KIF5C: variants seen among roughly 807,000 people sequenced by gnomAD.
KIF5C encodes kinesin heavy chain isoform 5C.
KIF5C carries 18 observed loss-of-function variants against 125.2 expected under a neutral mutation model. The observed-to-expected ratio is 0.14, with a 90% confidence interval of 0.10 to 0.21. The LOEUF is 0.21. Ranked by LOEUF, KIF5C falls within the 10% of genes least tolerant of loss-of-function variation. The probability of loss-of-function intolerance (pLI) is 1.00; values close to 1 mark genes in which losing one functional copy is unlikely to be tolerated. For synonymous variants in KIF5C, 405 were observed against 434.0 expected (o/e 0.93, Z 0.83); for missense variants, 780 against 1,183.8 (o/e 0.66, Z 5.01).
At chr2:148,993,322 G>C (rs1681576736) in intron 16 of KIF5C, among the ~76,000 whole-genome samples, 1 of 152,174 alleles carries the variant, frequency 6.6e-6, no homozygotes, top group Non-Finnish European at 1.5e-5. Context: ...ATGATGTGTT[G>C]AGTTTAAAGA....
intron 16 of KIF5C, among the ~76,000 whole-genome samples, chr2:148,993,255 C>T (rs181689700): frequency 1.1e-4 from 17 of 152,244 alleles, no homozygotes; most frequent in African/African-American, 2.9e-4. Flanking sequence ...TGCTCTGAAT[C>T]GTCCAGGTCT....
At chr2:149,014,150 G>A (rs6716666) in intron 25 of KIF5C, among the ~76,000 whole-genome samples, 1,540 of 152,156 alleles carry the variant, frequency 0.01, 24 homozygotes, top group African/African-American at 0.035. Context: ...TCAGCCTCCC[G>A]AGTAGCTGGG....
At chr2:148,923,483 AT>A (rs1489850423) in intron 2 of KIF5C, among the ~76,000 whole-genome samples, 1 of 152,054 alleles carries the variant, frequency 6.6e-6, no homozygotes, top group East Asian at 1.9e-4. Context: ...TCGGGTGGTA[AT>A]TTTTATCTTC....
chr2:149,013,609 C>T (rs1379990547), intron 25 of KIF5C, among the ~76,000 whole-genome samples: 1 of 152,160 alleles, frequency 6.6e-6, no homozygotes, highest in Non-Finnish European at 1.5e-5. Context: ...CAGCACTGGG[C>T]TAGATGTAAT....
intron 17 of KIF5C, among the ~76,000 whole-genome samples, chr2:148,995,420 G>A (rs995086147): frequency 1.3e-5 from 2 of 152,214 alleles, no homozygotes; most frequent in Non-Finnish European, 2.9e-5. Flanking sequence ...TGAGCTTAGG[G>A]AAGTGCCTCG....
At chr2:148,939,156 T>C (rs1682354512) in intron 4 of KIF5C, among the ~76,000 whole-genome samples, 1 of 149,676 alleles carries the variant, frequency 6.7e-6, no homozygotes, top group African/African-American at 2.5e-5. Context: ...AAGTTATTGA[T>C]AAAACTAAGA....
In KIF5C at chr2:148,957,785, A is replaced by G. The variant is rs561852629; in HGVS notation, c.969-4186A>G. On this transcript the variant is annotated intron_variant, in intron 10 of 25. Transcript: ENST00000435030. Reference sequence around the variant, plus strand: ...TAAAATACATAAACTTAAGTGCATAACTAATTTTTTTTTATAAATATATAT... The same window carrying G: ...TAAAATACATAAACTTAAGTGCATAGCTAATTTTTTTTTATAAATATATAT... 1.3e-3 allele frequency among the ~76,000 whole-genome samples: 195 copies of G among 152,190 alleles called. 1 individual carries two copies. The highest frequency in any genetic ancestry group is 4.6e-3 in the African/African-American group (191 of 41,524).
intron 11 of KIF5C, among the ~76,000 whole-genome samples, chr2:148,971,282 GTCTGTCTGTCTATCTA>G (rs1375302110): frequency 1.8e-4 from 25 of 140,660 alleles, no homozygotes; most frequent in African/African-American, 5.7e-4. Context: ...CTGTCTGTCT[GTCTGTCTGTCTATCTA>G]TCTATCTATC....
At chr2:148,973,290 T>C (rs757863464) in intron 11 of KIF5C, 46 bp from the exon 12 acceptor site, 2 of 1,574,544 alleles carry the variant, frequency 1.3e-6, no homozygotes, top group Admixed American at 3.8e-5. Flanking sequence ...GAGGGTTGCA[T>C]ACTCAATTTC....
At chr2:148,890,160 C>T (rs1469742905) in intron 1 of KIF5C, among the ~76,000 whole-genome samples, 1 of 151,996 alleles carries the variant, frequency 6.6e-6, no homozygotes, top group African/African-American at 2.4e-5. Context: ...TATTTATAAG[C>T]TATAAATAAT....
intron 1 of KIF5C, chr2:148,885,704 A>T (rs1681499633): frequency 6.6e-6 from 1 of 152,240 alleles, no homozygotes; most frequent in Non-Finnish European, 1.5e-5. Context: ...TTCTCATTAA[A>T]GAAAAACTTT....
chr2:148,949,789 T>C lies in KIF5C; in HGVS notation c.715-50T>C, dbSNP rs543418720. On this transcript the variant is annotated intron_variant, in intron 8 of 25. Coordinates refer to ENST00000435030, the MANE Select transcript of KIF5C (RefSeq NM_004522.3). Reference sequence around the variant, plus strand: ...TCGTGTGAATTTGAAATTTCTACTTTGTGCTTCTGCCGTCCTGTGCTGCTC... The same window carrying C: ...TCGTGTGAATTTGAAATTTCTACTTCGTGCTTCTGCCGTCCTGTGCTGCTC... The C allele has an allele frequency of 5.7e-6, 9 of 1,580,636 alleles. No homozygotes were observed. The South Asian group carries it at 9.4e-5, about 16-fold the overall frequency.
chr2:148,900,539 C>T (rs114315180), intron 1 of KIF5C, among the ~76,000 whole-genome samples: 68 of 152,328 alleles, frequency 4.5e-4, no homozygotes, highest in Non-Finnish European at 6.9e-4. Flanking sequence ...TTTCTCATCC[C>T]ACACTACCCT....
chr2:148,922,271 T>C (rs2105082270), intron 2 of KIF5C, 44 bp downstream of exon 2: 6 of 1,311,752 alleles, frequency 4.6e-6, no homozygotes, highest in South Asian at 2.5e-5. Flanking sequence ...TTCAGAGTAA[T>C]TGAAAGCATT....
At chr2:148,943,074 T>C (rs1682444091) in intron 7 of KIF5C, among the ~76,000 whole-genome samples, 2 of 151,758 alleles carry the variant, frequency 1.3e-5, no homozygotes, top group South Asian at 4.2e-4. Flanking sequence ...AGGGAAAGAG[T>C]AAGCTCATCA....
chr2:149,009,313 A>G (rs1682112176), intron 23 of KIF5C, among the ~76,000 whole-genome samples: 1 of 152,036 alleles, frequency 6.6e-6, no homozygotes, highest in African/African-American at 2.4e-5. Context: ...TTATTCATGG[A>G]TTGAACGAGC....
In KIF5C at chr2:148,991,142, A is replaced by C; in HGVS notation, c.1849A>C (p.Arg617=). 1 of 1,614,014 alleles carries C rather than the reference A, an allele frequency of 6.2e-7. No individual in the cohort carries two copies. The highest frequency in any genetic ancestry group is 8.5e-7 in the Non-Finnish European group (1 of 1,179,880). ...QLESAQMDSN[R]KMNASERELA... ...CGAGAGCGCCCAGATGGACTCCAACAGGAAGATGAATGCCAGCGAGCGGGA... is the reference window on the plus strand; with the variant it reads ...CGAGAGCGCCCAGATGGACTCCAACCGGAAGATGAATGCCAGCGAGCGGGA... Residue 617 remains arginine, a synonymous_variant, in exon 16 of 26, where the codon AGG becomes CGG. Coordinates refer to ENST00000435030, the MANE Select transcript of KIF5C (RefSeq NM_004522.3).
intron 1 of KIF5C, among the ~76,000 whole-genome samples, chr2:148,902,455 T>C (rs187946367): frequency 1.2e-3 from 188 of 152,330 alleles, no homozygotes; most frequent in Non-Finnish European, 2.1e-3. Flanking sequence ...TAGCTGGGAT[T>C]ACAGGCACAC....
chr2:148,876,247 G>C lies in KIF5C; in HGVS notation c.126+504G>C, dbSNP rs1425241595. On this transcript the variant is annotated intron_variant, in intron 1 of 25. Transcript: ENST00000435030. This position sits in a 1 kb window ranked among gnomAD's most constrained non-coding sequence, Gnocchi z 4.7. ...ACAGGAAAATTTCTAGTCGCGTCTCGGAGCTCCCGCGGCAGTGTAGACGCG... is the reference window on the plus strand; with the variant it reads ...ACAGGAAAATTTCTAGTCGCGTCTCCGAGCTCCCGCGGCAGTGTAGACGCG... Among the ~76,000 whole-genome samples the C allele has an allele frequency of 6.6e-6, 1 of 151,938 alleles. No homozygotes were observed. Among genetic ancestry groups the C allele is most frequent in the East Asian group, 1.9e-4 (1 of 5,188 alleles).
Sources: gnomAD v4.1 joint callset for allele counts (sites outside exome capture counted in the v4.1 genomes callset) on GRCh38, gnomAD v4.1.1 for gene constraint, Gnocchi (gnomAD v3.1) non-coding constraint, MANE v1.5 for transcripts, NCBI Gene and HGNC (gene_info 2026-07-23, HGNC 2026-07-21) for gene names.